The following GOLGA1 variants were observed in gnomAD, a reference collection of about 807,000 sequenced individuals.
The protein encoded by GOLGA1 is golgin subfamily A member 1.
In GOLGA1, 63 loss-of-function variants were observed where a neutral mutation model predicts 119.7. The ratio of observed to expected loss-of-function variants is 0.53; its 90% CI spans 0.43 to 0.65. GOLGA1 has a LOEUF of 0.65. GOLGA1 is among the 30% of genes least tolerant of loss of function. The probability of loss-of-function intolerance (pLI) is 0.00; values close to 1 mark genes in which losing one functional copy is unlikely to be tolerated. For missense variants in GOLGA1, 798 were observed against 912.8 expected (o/e 0.87, Z 1.62); for synonymous variants, 318 against 333.4 (o/e 0.95, Z 0.50).
intron 19 of GOLGA1, among the ~76,000 whole-genome samples, chr9:124,884,653 C>T (rs1196631432): frequency 6.6e-6 from 1 of 152,176 alleles, no homozygotes; most frequent in Non-Finnish European, 1.5e-5. Flanking sequence ...CACTGTGAGG[C>T]ATCTTAAGTG....
Position 124,911,960 on chromosome 9 carries a change from C to G in GOLGA1, c.910G>C (p.Glu304Gln). 2 of 1,611,592 alleles carry G rather than the reference C, an allele frequency of 1.2e-6. No individual in the cohort carries two copies. The highest frequency in any genetic ancestry group is 1.7e-5 in the Admixed American group (1 of 60,026). ...THLQEKVASL[E>Q]KRLEQNLSGE... ...GATAAGTTCTGTTCTAGTCTCTTCTCCAAGGATGCAACCTTCTCTTGCAAA... is the reference window on the plus strand; with the variant it reads ...GATAAGTTCTGTTCTAGTCTCTTCTGCAAGGATGCAACCTTCTCTTGCAAA... The change falls in exon 11 of 23, where the codon GAG (glutamate) becomes CAG (glutamine). Residue 304 changes from glutamate to glutamine, a missense_variant. Coordinates refer to ENST00000373555, the MANE Select transcript of GOLGA1 (RefSeq NM_002077.4).
intron 13 of GOLGA1, chr9:124,900,222 G>A (rs1830072596): frequency 2.6e-6 from 1 of 381,576 alleles, no homozygotes; most frequent in Non-Finnish European, 4.8e-6. Context: ...AAGGTGGGAT[G>A]TAAGGTGGAA....
intron 19 of GOLGA1, among the ~76,000 whole-genome samples, chr9:124,887,075 G>A (rs1395387864): frequency 6.6e-6 from 1 of 152,210 alleles, no homozygotes; most frequent in Non-Finnish European, 1.5e-5. Context: ...GACAGTCTGA[G>A]GAAAGGGAGA....
rs1476632536 is a variant in GOLGA1 at position 124,899,266 on chromosome 9, G to A, written c.1311+63C>T. 9 of 1,449,204 alleles carry A rather than the reference G, an allele frequency of 6.2e-6. No homozygotes were observed. The African/African-American group carries it at 1.3e-4, about 20-fold the overall frequency. The allele number at this position is 1,449,204 out of a possible 1,614,324, so 89.8% of individuals were successfully genotyped here. A position where few individuals can be genotyped will look rare whatever the true frequency, so the allele number is the denominator to read the frequency against. On this transcript the variant is annotated intron_variant, in intron 14 of 22. Coordinates refer to ENST00000373555, the MANE Select transcript of GOLGA1 (RefSeq NM_002077.4). ...GTGGTGACACACTGTCAAGCACGAG[G>A]CTGACTTCGCTGTGGGGGACCCTGG...
At position 124,880,605 on chromosome 9, in the gene GOLGA1, T is replaced by G; in HGVS notation, c.2229A>C (p.Ser743=). 6.3e-7 allele frequency: 1 copy of G among 1,598,282 alleles called. No homozygotes were observed. The highest frequency in any genetic ancestry group is 8.6e-7 in the Non-Finnish European group (1 of 1,166,012). The change falls in exon 23 of 23, where the codon TCA becomes TCC. Residue 743 remains serine (S), a synonymous_variant. Coordinates refer to ENST00000373555, the MANE Select transcript of GOLGA1 (RefSeq NM_002077.4). ...TGGGAGCTGGTTTGGACCCAAACCA[T>G]GACATCTGCATTTGAAACAGAAAAG... ...MLKETLEYKM[S]WFGSKPAPKG... is the part of the protein sequence containing the mutation.
At chr9:124,893,068 T>C (rs1041562490) in intron 15 of GOLGA1, among the ~76,000 whole-genome samples, 6 of 152,188 alleles carry the variant, frequency 3.9e-5, no homozygotes, top group Middle Eastern at 3.2e-3. Flanking sequence ...TTTGTGATGA[T>C]AGCTCACTGC....
rs769725407 is a variant in GOLGA1 at position 124,946,693 on chromosome 9, A to G, written c.-156+1225T>C. 2.6e-5 allele frequency: 4 copies of G among 152,168 alleles called. No individual in the cohort carries two copies. The highest frequency in any genetic ancestry group is 4.4e-5 in the Non-Finnish European group (3 of 68,014). 9.4% of individuals were successfully genotyped at this position (152,168 alleles called of 1,614,324 possible). ...CTATCCTCTTATCCTCCCCAACCCT[A>G]TCATCCTTGGGAGAGGTTTGAAGGC... On this transcript the variant is annotated intron_variant, in intron 1 of 4. Coordinates refer to the GOLGA1 transcript ENST00000421514. This position sits in a 1 kb window ranked among gnomAD's most constrained non-coding sequence, Gnocchi z 4.0.
At chr9:124,905,655 G>A (rs538161503) in intron 12 of GOLGA1, among the ~76,000 whole-genome samples, 1 of 152,114 alleles carries the variant, frequency 6.6e-6, no homozygotes, top group South Asian at 2.1e-4. Context: ...AAGATTGGAA[G>A]GAGTAAGATA....
At chr9:124,929,778 T>C (rs535864431) in intron 4 of GOLGA1, among the ~76,000 whole-genome samples, 1 of 152,212 alleles carries the variant, frequency 6.6e-6, no homozygotes, top group African/African-American at 2.4e-5. Context: ...CTTAATTCTC[T>C]AAAAAAGTGA....
intron 15 of GOLGA1, among the ~76,000 whole-genome samples, chr9:124,892,250 G>A (rs578180138): frequency 6.4e-4 from 97 of 152,080 alleles, no homozygotes; most frequent in African/African-American, 2.2e-3. Flanking sequence ...CCACCACGCC[G>A]GGCCCATTTT....
In GOLGA1 at chr9:124,880,693, A is replaced by T; in HGVS notation, c.2224-83T>A. On this transcript the variant is annotated intron_variant, in intron 22 of 22. Coordinates refer to ENST00000373555, the MANE Select transcript of GOLGA1 (RefSeq NM_002077.4). ...ACTGAACCGCCCCTCCCCTCCCGTGAGCCTGTCACTCCTGCCCCCCACACA... is the reference window on the plus strand; with the variant it reads ...ACTGAACCGCCCCTCCCCTCCCGTGTGCCTGTCACTCCTGCCCCCCACACA... 4 of 832,392 alleles carry T rather than the reference A, an allele frequency of 4.8e-6. No homozygotes were observed. In the South Asian group the frequency reaches 5.4e-5, roughly 11 times the overall value. 51.6% of individuals were successfully genotyped at this position (832,392 alleles called of 1,614,324 possible).
At chr9:124,934,279 A>T (rs993601990) in intron 3 of GOLGA1, among the ~76,000 whole-genome samples, 1 of 152,200 alleles carries the variant, frequency 6.6e-6, no homozygotes, top group Non-Finnish European at 1.5e-5. Flanking sequence ...CAAGCAAATC[A>T]TCAATAATAA....
chr9:124,932,232 C>T (rs138153141), intron 3 of GOLGA1, among the ~76,000 whole-genome samples: 1,574 of 152,328 alleles, frequency 0.01, 12 homozygotes, highest in Non-Finnish European at 0.017. Context: ...TATTTCTCTT[C>T]ATAGGCAACA....
chr9:124,947,227 A>G (rs1173263105), intron 1 of GOLGA1: 1 of 152,198 alleles, frequency 6.6e-6, no homozygotes, highest in Non-Finnish European at 1.5e-5. Flanking sequence ...AATATACATA[A>G]TTTACTACTC....
At chr9:124,933,408 T>C (rs1053359238) in intron 3 of GOLGA1, among the ~76,000 whole-genome samples, 1 of 150,478 alleles carries the variant, frequency 6.6e-6, no homozygotes, top group Non-Finnish European at 1.5e-5. Context: ...CCTTCTGGAG[T>C]CTGGATTATT....
At chr9:124,914,624 T>C (rs1830405778) in intron 10 of GOLGA1, among the ~76,000 whole-genome samples, 1 of 152,168 alleles carries the variant, frequency 6.6e-6, no homozygotes, top group Non-Finnish European at 1.5e-5. Flanking sequence ...GACAGACATA[T>C]AGGGTCAAGG....
At position 124,939,562 on chromosome 9, in the gene GOLGA1, T is replaced by C. The variant is rs949093030; in HGVS notation, c.-156+544A>G. The stretch of plus-strand genomic sequence containing the variant: ...ATTTTCTTTCTTTCTTTTTTTTTTT[T>C]TTTTTTTTTTTTTTTTTGAGATGGA... On this transcript the variant is annotated intron_variant, in intron 2 of 22. Transcript: ENST00000373555. Among the ~76,000 whole-genome samples, 392 of 127,240 alleles carry C rather than the reference T, an allele frequency of 3.1e-3. 1 individual carries two copies. Among genetic ancestry groups the C allele is most frequent in the African/African-American group, 7.0e-3 (229 of 32,804 alleles). 83.5% of individuals were successfully genotyped at this position (127,240 alleles called of 152,430 possible). A position where few individuals can be genotyped will look rare whatever the true frequency, so the allele number is the denominator to read the frequency against.
intron 12 of GOLGA1, among the ~76,000 whole-genome samples, chr9:124,905,133 G>A (rs572580725): frequency 6.8e-5 from 10 of 147,720 alleles, no homozygotes; most frequent in Admixed American, 5.5e-4. Context: ...GTGATACAGC[G>A]GGAGTCCATC....
chr9:124,898,779 G>C (rs1830034803), intron 14 of GOLGA1, 135 bp from the exon 15 acceptor site: 2 of 611,476 alleles, frequency 3.3e-6, no homozygotes, highest in Admixed American at 3.1e-5. Flanking sequence ...AAGCAGAGGG[G>C]ACTGGTCAGA....
Sources: gnomAD v4.1 joint callset for allele counts (sites outside exome capture counted in the v4.1 genomes callset) on GRCh38, gnomAD v4.1.1 for gene constraint, Gnocchi (gnomAD v3.1) non-coding constraint, MANE v1.5 for transcripts, NCBI Gene and HGNC (gene_info 2026-07-23, HGNC 2026-07-21) for gene names.